The following NXPE3 variants were observed in gnomAD, a reference collection of about 807,000 sequenced individuals.
NXPE3 encodes neurexophilin and PC-esterase domain family member 3, also known as NXPE family member 3.
NXPE3 carries 26 observed loss-of-function variants against 46.1 expected under a neutral mutation model. The observed-to-expected ratio is 0.56, with a 90% CI of 0.41 to 0.78. The LOEUF is 0.78. Ranked by LOEUF, NXPE3 falls within the 30% of genes least tolerant of loss-of-function variation. The pLI is 0.00. For synonymous variants in NXPE3, 272 were observed against 257.9 expected, an observed-to-expected ratio of 1.05 and a Z score of -0.52; for missense variants, 620 against 686.0, an observed-to-expected ratio of 0.90 and a Z score of 1.07.
chr3:101,798,416 ACT>A lies in NXPE3; in HGVS notation c.94-2816_94-2815del, dbSNP rs561345671. ...TTCTTTCTTTTAAGCACAGGGTCTC[ACT>A]CTGTTGCCCAGGCTAGAGTGCGGTG... On this transcript the variant is annotated intron_variant, in intron 4 of 7. Transcript: ENST00000273347. 5.3e-5 allele frequency among the ~76,000 whole-genome samples: 8 copies of A among 151,646 alleles called. No homozygotes were observed. The South Asian group carries it at 1.7e-3, about 32-fold the overall frequency.
At chr3:101,818,715 T>A (rs1226417854) in intron 7 of NXPE3, among the ~76,000 whole-genome samples, 45 of 38,046 alleles carry the variant, frequency 1.2e-3, no homozygotes, top group African/African-American at 4.5e-3. Flanking sequence ...ATATGACAAT[T>A]TATATATATA....
At position 101,821,446 on chromosome 3, in the gene NXPE3, C is replaced by G; in HGVS notation, c.1172C>G (p.Pro391Arg). ...TTGGGTAGTCCCAAGAATGTGGGTC[C>G]CTTCCTTGCAGTGGACCAGAAGCAC... Reference protein sequence around the residue: ...FNLGSPKNVGPFLAVDQKHNI... With the variant: ...FNLGSPKNVGRFLAVDQKHNI... Residue 391 changes from proline (P) to arginine (R), a missense_variant, in exon 8 of 8, where the codon CCC (proline) becomes CGC (arginine). By Grantham distance (103) the Pro-to-Arg change is moderately radical. Transcript: ENST00000273347. 1 of 1,614,124 alleles carries G rather than the reference C, an allele frequency of 6.2e-7. No individual in the cohort carries two copies. The highest frequency in any genetic ancestry group is 8.5e-7 in the Non-Finnish European group (1 of 1,180,026).
At chr3:101,802,841 C>A (rs1291250682) in intron 5 of NXPE3, among the ~76,000 whole-genome samples, 2 of 151,256 alleles carry the variant, frequency 1.3e-5, no homozygotes, top group Admixed American at 6.6e-5. Context: ...CATTCCATAA[C>A]ATCACTAAGA....
chr3:101,788,516 C>G (rs1261110171), intron 4 of NXPE3, among the ~76,000 whole-genome samples: 1 of 152,136 alleles, frequency 6.6e-6, no homozygotes, highest in South Asian at 2.1e-4. Context: ...TTAGCTCTTA[C>G]GTTTAGGTCT....
intron 4 of NXPE3, among the ~76,000 whole-genome samples, chr3:101,795,411 G>A (rs1468423288): frequency 3.3e-5 from 5 of 151,874 alleles, no homozygotes; most frequent in East Asian, 3.9e-4. Flanking sequence ...CTAGCTACTC[G>A]GGAGGCTGAG....
At position 101,801,368 on chromosome 3, in the gene NXPE3, T is replaced by G. The variant is rs750507229; in HGVS notation, c.227T>G (p.Met76Arg). ...CAGACCCTGTCCAGCCAGGAGCGCA[T>G]GGAGGAGGACTCCTTGCTGGCTGCC... ...DQQTLSSQER[M>R]EEDSLLAALH... is the part of the protein sequence containing the mutation. Residue 76 changes from methionine to arginine, a missense_variant, in exon 5 of 8, where the codon ATG becomes AGG. Around this residue, in one of 3 missense-constraint regions of NXPE3, gnomAD observed 511 missense variants for 528.6 expected, o/e 0.97. Transcript: ENST00000273347. The G allele has an allele frequency of 6.2e-7, 1 of 1,614,108 alleles. No individual in the cohort carries two copies. Among genetic ancestry groups the G allele is most frequent in the Non-Finnish European group, 8.5e-7 (1 of 1,180,044 alleles).
At chr3:101,798,475 C>T (rs1007938552) in intron 4 of NXPE3, among the ~76,000 whole-genome samples, 1 of 151,144 alleles carries the variant, frequency 6.6e-6, no homozygotes, top group Admixed American at 6.6e-5. Flanking sequence ...ACCTCTAACT[C>T]CTGGGCTCAA....
At chr3:101,794,627 G>A (rs1477637947) in intron 4 of NXPE3, among the ~76,000 whole-genome samples, 3 of 152,152 alleles carry the variant, frequency 2.0e-5, no homozygotes, top group Non-Finnish European at 4.4e-5. Flanking sequence ...GTGAATGTGT[G>A]TGTTAATTTT....
In NXPE3 at chr3:101,821,455, C is replaced by G; in HGVS notation, c.1181C>G (p.Ala394Gly). 6.2e-7 allele frequency: 1 copy of G among 1,614,146 alleles called. No homozygotes were observed. The highest frequency in any genetic ancestry group is 8.5e-7 in the Non-Finnish European group (1 of 1,180,010). Residue 394 changes from alanine to glycine, a missense_variant, in exon 8 of 8, where the codon GCA becomes GGA. Physicochemically the swap from Ala to Gly is moderately conservative, Grantham distance 60 (BLOSUM62 0). Transcript: ENST00000273347. ...CCCAAGAATGTGGGTCCCTTCCTTG[C>G]AGTGGACCAGAAGCACAACATCCTG... Reference protein sequence around the residue: ...GSPKNVGPFLAVDQKHNILLK... With the variant: ...GSPKNVGPFLGVDQKHNILLK...
intron 5 of NXPE3, among the ~76,000 whole-genome samples, chr3:101,805,571 T>C (rs1941378051): frequency 6.6e-6 from 1 of 152,084 alleles, no homozygotes; most frequent in Middle Eastern, 3.2e-3. Flanking sequence ...CCCAAGTAGC[T>C]GGGAGTACTA....
intron 4 of NXPE3, among the ~76,000 whole-genome samples, chr3:101,800,421 A>C (rs995877221): frequency 1.3e-5 from 2 of 152,154 alleles, no homozygotes; most frequent in Non-Finnish European, 2.9e-5. Context: ...TATTTTAAAA[A>C]ATTTTTAAGG....
chr3:101,781,031 G>C (rs1459609743), intron 1 of NXPE3, among the ~76,000 whole-genome samples: 1 of 152,184 alleles, frequency 6.6e-6, no homozygotes, highest in Non-Finnish European at 1.5e-5. Context: ...CCTGTTTCAA[G>C]GTCTTACTCA....
In NXPE3 at chr3:101,816,902, C is replaced by T; in HGVS notation, c.1030C>T (p.Pro344Ser). ...RKFKMRQFND[P>S]DNITECLQRK... ...GTTTAAGATGCGTCAGTTTAATGAC[C>T]CTGACAACATTACAGAGTGCTTACA... The change falls in exon 7 of 8, where the codon CCT (proline) becomes TCT (serine). Residue 344 changes from proline (P) to serine (S), a missense_variant. Physicochemically the swap from Pro to Ser is moderately conservative, Grantham distance 74. Coordinates refer to ENST00000273347, the MANE Select transcript of NXPE3 (RefSeq NM_145037.4). 1 of 1,613,622 alleles carries T rather than the reference C, an allele frequency of 6.2e-7. No individual in the cohort carries two copies. Among genetic ancestry groups the T allele is most frequent in the Non-Finnish European group, 8.5e-7 (1 of 1,179,596 alleles).
intron 4 of NXPE3, among the ~76,000 whole-genome samples, chr3:101,788,069 T>A (rs963499524): frequency 5.9e-5 from 9 of 152,254 alleles, no homozygotes; most frequent in Non-Finnish European, 1.0e-4. Context: ...TTTGTTTTGT[T>A]TTTTTGATAG....
At chr3:101,782,002 A>G (rs541181663) in intron 1 of NXPE3, 108 bp from the exon 2 acceptor site, 1 of 152,288 alleles carries the variant, frequency 6.6e-6, no homozygotes, top group East Asian at 1.9e-4. Flanking sequence ...CCACTATATC[A>G]TGTATAACTC....
At chr3:101,796,821 A>G (rs1940856383) in intron 4 of NXPE3, among the ~76,000 whole-genome samples, 1 of 152,218 alleles carries the variant, frequency 6.6e-6, no homozygotes, top group African/African-American at 2.4e-5. Flanking sequence ...ACATTCTTGT[A>G]TCTTGAGATT....
intron 5 of NXPE3, among the ~76,000 whole-genome samples, chr3:101,806,323 G>T (rs1373856201): frequency 5.3e-5 from 8 of 151,890 alleles, no homozygotes; most frequent in Admixed American, 4.6e-4. Context: ...TCAGTTTCTG[G>T]AATAGTTGCC....
chr3:101,795,515 T>TAAAA (rs568595009), intron 4 of NXPE3, among the ~76,000 whole-genome samples: 1 of 129,536 alleles, frequency 7.7e-6, no homozygotes, highest in Admixed American at 7.7e-5. Context: ...GAGACTTATC[T>TAAAA]AAAAAAAAAA....
intron 4 of NXPE3, among the ~76,000 whole-genome samples, chr3:101,798,280 A>G (rs919442516): frequency 1.3e-4 from 20 of 152,272 alleles, no homozygotes; most frequent in African/African-American, 4.6e-4. Flanking sequence ...ACCACATGTG[A>G]TAATTTGAAC....
Sources: gnomAD v4.1 joint callset for allele counts (sites outside exome capture counted in the v4.1 genomes callset) on GRCh38, gnomAD v4.1.1 for gene constraint, gnomAD v4.1.1 regional missense constraint, MANE v1.5 for transcripts, NCBI Gene and HGNC (gene_info 2026-07-23, HGNC 2026-07-21) for gene names.